Variants in TMC1 observed in about 807,000 individuals in gnomAD.
TMC1 encodes the protein transmembrane channel-like protein 1.
A neutral mutation model predicts 105.8 loss-of-function variants in TMC1; 84 were observed. The ratio of observed to expected loss-of-function variants is 0.79; its 90% confidence interval spans 0.67 to 0.95. TMC1 has a LOEUF of 0.95. TMC1 is among the 40% of genes least tolerant of loss of function. The probability of loss-of-function intolerance (pLI) is 0.00; values close to 1 mark genes in which losing one functional copy is unlikely to be tolerated. For synonymous variants in TMC1, 315 were observed against 311.5 expected, an observed-to-expected ratio of 1.01 and a Z score of -0.12; for missense variants, 817 against 914.1, an observed-to-expected ratio of 0.89 and a Z score of 1.37.
chr9:72,575,092 T>C (rs1424342048), intron 1 of TMC1, among the ~76,000 whole-genome samples: 21 of 152,318 alleles, frequency 1.4e-4, no homozygotes, highest in Non-Finnish European at 8.8e-5. Flanking sequence ...ATCTTTCTAC[T>C]TATATAGAGA....
At chr9:72,656,022 A>T (rs1468221425) in intron 5 of TMC1, 3 of 751,602 alleles carry the variant, frequency 4.0e-6, no homozygotes, top group Non-Finnish European at 7.2e-6. Flanking sequence ...AAGTCTTAGT[A>T]GGCATTTGAA....
At position 72,648,514 on chromosome 9, in the gene TMC1, A is replaced by G. The variant is rs898803491; in HGVS notation, c.-52-83A>G. On this transcript the variant is annotated intron_variant, in intron 4 of 23. Transcript: ENST00000297784. ...CTTAAGTTTCAGATGGTGAAATGGC[A>G]CCAGGGGAGCACTTTCAGTGGCAGG... 23 of 786,574 alleles carry G rather than the reference A, an allele frequency of 2.9e-5. No individual in the cohort carries two copies. In the African/African-American group the frequency reaches 3.9e-4, roughly 13 times the overall value. 48.7% of individuals were successfully genotyped at this position (786,574 alleles called of 1,614,324 possible). A position where few individuals can be genotyped will look rare whatever the true frequency, so the allele number is the denominator to read the frequency against.
intron 1 of TMC1, among the ~76,000 whole-genome samples, chr9:72,535,156 CTA>C (rs909334697): frequency 6.6e-6 from 1 of 152,078 alleles, no homozygotes; most frequent in African/African-American, 2.4e-5. Flanking sequence ...TCAGGGGAAA[CTA>C]TGAGTCTACC....
rs142460753 is a variant in TMC1 at position 72,769,028 on chromosome 9, AT to A, written c.742-3384del. Among the ~76,000 whole-genome samples the A allele has an allele frequency of 9.1e-3, 1,387 of 152,286 alleles. 23 individuals are homozygous for A. Among genetic ancestry groups the A allele is most frequent in the African/African-American group, 0.032 (1,318 of 41,542 alleles). On this transcript the variant is annotated intron_variant, in intron 12 of 23. Coordinates refer to ENST00000297784, the MANE Select transcript of TMC1 (RefSeq NM_138691.3). ...CTTTCCTTTCTTTCACTGAGAAGGT[AT>A]GGCACTAGCATGATATAACTCTTGC...
chr9:72,636,305 C>G (rs939377085), intron 4 of TMC1, among the ~76,000 whole-genome samples: 2 of 152,084 alleles, frequency 1.3e-5, no homozygotes, highest in Admixed American at 6.5e-5. Context: ...TAGCAAAGTG[C>G]TATAGAAAAA....
At chr9:72,795,945 G>A (rs1828357930) in intron 17 of TMC1, among the ~76,000 whole-genome samples, 3 of 151,144 alleles carry the variant, frequency 2.0e-5, no homozygotes, top group Admixed American at 1.3e-4. Flanking sequence ...AAAAATAAAG[G>A]GATGGAAGAA....
At chr9:72,676,294 T>C (rs1454547246) in intron 5 of TMC1, among the ~76,000 whole-genome samples, 2 of 152,278 alleles carry the variant, frequency 1.3e-5, no homozygotes, top group East Asian at 1.9e-4. Context: ...TTTCTACTTG[T>C]AGATGCTAAG....
intron 1 of TMC1, among the ~76,000 whole-genome samples, chr9:72,557,945 C>T (rs1823972066): frequency 6.6e-6 from 1 of 152,112 alleles, no homozygotes; most frequent in Non-Finnish European, 1.5e-5. Context: ...GTGTGGAAGG[C>T]TTCAGACCAT....
chr9:72,730,516 A>C (rs1827193411), intron 8 of TMC1, among the ~76,000 whole-genome samples: 1 of 152,162 alleles, frequency 6.6e-6, no homozygotes, highest in African/African-American at 2.4e-5. Flanking sequence ...TCATGGACTT[A>C]CAAAAATATT....
At chr9:72,725,282 A>G (rs1827094118) in intron 8 of TMC1, among the ~76,000 whole-genome samples, 2 of 145,832 alleles carry the variant, frequency 1.4e-5, no homozygotes, top group Non-Finnish European at 1.5e-5. Flanking sequence ...GTTCTCTTAG[A>G]CAACTCATAG....
intron 12 of TMC1, among the ~76,000 whole-genome samples, chr9:72,764,145 A>G (rs2118098312): frequency 6.6e-6 from 1 of 152,324 alleles, no homozygotes; most frequent in African/African-American, 2.4e-5. Flanking sequence ...GTAAATCTAC[A>G]TTCATTTTTT....
At chr9:72,684,203 A>G (rs1011738409) in intron 5 of TMC1, among the ~76,000 whole-genome samples, 2 of 152,132 alleles carry the variant, frequency 1.3e-5, no homozygotes, top group Non-Finnish European at 2.9e-5. Context: ...AACAGCATAT[A>G]AGACCATTCT....
chr9:72,583,913 T>C (rs147344646), intron 2 of TMC1, among the ~76,000 whole-genome samples: 1 of 152,252 alleles, frequency 6.6e-6, no homozygotes, highest in East Asian at 1.9e-4. Context: ...ACAATGCATT[T>C]GTATCAGAAA....
At chr9:72,716,937 A>AAAAGTGC (rs1329153696) in intron 8 of TMC1, among the ~76,000 whole-genome samples, 2 of 152,174 alleles carry the variant, frequency 1.3e-5, no homozygotes, top group Non-Finnish European at 2.9e-5. Flanking sequence ...GCAGGTTGTG[A>AAAAGTGC]AGACCATGGG....
intron 1 of TMC1, among the ~76,000 whole-genome samples, chr9:72,538,291 T>C (rs1354113786): frequency 6.6e-6 from 1 of 152,038 alleles, no homozygotes; most frequent in Non-Finnish European, 1.5e-5. Flanking sequence ...TGGAAAAAAC[T>C]TGGTAAGGGA....
rs1588076766 is a variant in TMC1 at position 72,773,635 on chromosome 9, A to G, written c.884+1080A>G. 2.0e-5 allele frequency among the ~76,000 whole-genome samples: 3 copies of G among 152,182 alleles called. No individual in the cohort carries two copies. In the East Asian group the frequency reaches 5.8e-4, roughly 29 times the overall value. ...TACTATCACATTCCAAAAATCGAAG[A>G]TATTTTCTAGTCTTTTGACTATATT... On this transcript the variant is annotated intron_variant, in intron 13 of 23. Coordinates refer to ENST00000297784, the MANE Select transcript of TMC1 (RefSeq NM_138691.3).
chr9:72,722,280 T>C (rs1157130191), intron 8 of TMC1, among the ~76,000 whole-genome samples: 2 of 152,214 alleles, frequency 1.3e-5, no homozygotes, highest in Non-Finnish European at 2.9e-5. Flanking sequence ...AGGCTTTTTC[T>C]ACTGTGCCAT....
intron 3 of TMC1, among the ~76,000 whole-genome samples, chr9:72,627,321 C>A (rs990737824): frequency 1.1e-4 from 17 of 152,080 alleles, no homozygotes; most frequent in Non-Finnish European, 4.4e-5. Context: ...TCTAGTTCAC[C>A]CTCCTGGGAG....
At chr9:72,746,208 G>A (rs1663741) in intron 10 of TMC1, among the ~76,000 whole-genome samples, 38,954 of 151,994 alleles carry the variant, frequency 0.26, 5,380 homozygotes, top group East Asian at 0.39. Flanking sequence ...AAGTATCATT[G>A]TATTCCATTT....
Sources: allele counts gnomAD v4.1 joint callset (sites outside exome capture counted in the v4.1 genomes callset), GRCh38; gene constraint gnomAD v4.1.1; transcripts MANE v1.5; gene names NCBI Gene and HGNC (gene_info 2026-07-23, HGNC 2026-07-21).